PTPRD: variants seen among roughly 807,000 people sequenced by gnomAD.
The protein encoded by PTPRD is receptor-type tyrosine-protein phosphatase delta.
A neutral mutation model predicts 214.5 loss-of-function variants in PTPRD; 34 were observed. The observed-to-expected ratio is 0.16, with a 90% CI of 0.12 to 0.21. The LOEUF is 0.21. Ranked by LOEUF, PTPRD falls within the 10% of genes least tolerant of loss-of-function variation. PTPRD has a pLI of 1.00. For missense variants in PTPRD, 2,545 were observed against 2,398.7 expected (o/e 1.06, Z -1.27); for synonymous variants, 1,128 against 845.7 (o/e 1.33, Z -5.79).
At chr9:10,258,427 C>T (rs899243921) in intron 3 of PTPRD, among the ~76,000 whole-genome samples, 4 of 151,952 alleles carry the variant, frequency 2.6e-5, no homozygotes, top group African/African-American at 7.3e-5. Context: ...TTATAAGAGG[C>T]TATCTTGCCA....
At chr9:8,832,222 G>A (rs534501701) in intron 11 of PTPRD, among the ~76,000 whole-genome samples, 1 of 151,990 alleles carries the variant, frequency 6.6e-6, no homozygotes, top group East Asian at 1.9e-4. Flanking sequence ...GCCAAATGGT[G>A]TGCATTGATC....
intron 2 of PTPRD, among the ~76,000 whole-genome samples, chr9:10,341,381 T>G (rs1246282678): frequency 6.6e-6 from 1 of 151,852 alleles, no homozygotes; most frequent in Admixed American, 6.6e-5. Flanking sequence ...TAGCTGAAAA[T>G]TATAAAGTGA....
intron 11 of PTPRD, among the ~76,000 whole-genome samples, chr9:8,832,303 T>G (rs1324831143): frequency 6.6e-6 from 1 of 151,406 alleles, no homozygotes; most frequent in Non-Finnish European, 1.5e-5. Flanking sequence ...AGAAAAACAA[T>G]GAAGAAAACA....
intron 7 of PTPRD, among the ~76,000 whole-genome samples, chr9:9,639,338 C>T (rs74452823): frequency 0.018 from 2,711 of 152,230 alleles, 83 homozygotes; most frequent in African/African-American, 0.062. Flanking sequence ...ACTGAGTGAA[C>T]GGACAGATGA....
intron 2 of PTPRD, among the ~76,000 whole-genome samples, chr9:10,523,555 A>T (rs2134281124): frequency 6.9e-6 from 1 of 144,690 alleles, no homozygotes; most frequent in East Asian, 2.1e-4. Context: ...AAGAAAAAAT[A>T]TCTTTCTAAT....
intron 10 of PTPRD, among the ~76,000 whole-genome samples, chr9:9,103,857 C>G (rs1486451996): frequency 6.6e-6 from 1 of 152,020 alleles, no homozygotes; most frequent in Non-Finnish European, 1.5e-5. Context: ...TGATGTGCAC[C>G]TGTATTCCCA....
At chr9:9,665,395 GT>G (rs895739892) in intron 7 of PTPRD, among the ~76,000 whole-genome samples, 38 of 151,818 alleles carry the variant, frequency 2.5e-4, no homozygotes, top group African/African-American at 9.2e-4. Flanking sequence ...CAAAATAGAT[GT>G]TTTTTATTTA....
intron 8 of PTPRD, among the ~76,000 whole-genome samples, chr9:9,470,824 A>G (rs1306390326): frequency 1.3e-5 from 2 of 152,208 alleles, no homozygotes; most frequent in African/African-American, 4.8e-5. Flanking sequence ...GCTGTCTCAA[A>G]TGCTAACTTA....
chr9:9,718,116 T>C (rs2097864735), intron 7 of PTPRD, among the ~76,000 whole-genome samples: 1 of 152,198 alleles, frequency 6.6e-6, no homozygotes, highest in Non-Finnish European at 1.5e-5. Context: ...ATATCCTTCT[T>C]TAGTTTATCA....
chr9:8,786,213 T>C (rs959024498), intron 11 of PTPRD, among the ~76,000 whole-genome samples: 2 of 152,132 alleles, frequency 1.3e-5, no homozygotes, highest in African/African-American at 4.8e-5. Context: ...ATAATTGAAC[T>C]TGTTCCTGTG....
At chr9:9,882,182 A>G (rs1199945911) in intron 5 of PTPRD, among the ~76,000 whole-genome samples, 1 of 152,100 alleles carries the variant, frequency 6.6e-6, no homozygotes, top group Non-Finnish European at 1.5e-5. Context: ...CTCCTCCAAC[A>G]TGCCCTTCAC....
At chr9:10,245,510 T>G (rs192790598) in intron 3 of PTPRD, among the ~76,000 whole-genome samples, 3 of 152,194 alleles carry the variant, frequency 2.0e-5, no homozygotes, top group Admixed American at 6.6e-5. Flanking sequence ...ATGTGCAAGG[T>G]GGCCCCACAA....
chr9:9,179,524 T>C (rs2099926881), intron 10 of PTPRD, among the ~76,000 whole-genome samples: 2 of 152,152 alleles, frequency 1.3e-5, no homozygotes, highest in African/African-American at 4.8e-5. Context: ...ACTAGGATAT[T>C]AAGCATCAAC....
At chr9:9,617,289 C>T (rs1022646581) in intron 7 of PTPRD, among the ~76,000 whole-genome samples, 2 of 152,128 alleles carry the variant, frequency 1.3e-5, no homozygotes, top group African/African-American at 4.8e-5. Flanking sequence ...AAAACTAATT[C>T]AGGTCCTCTG....
In PTPRD at chr9:9,181,952, T is replaced by C. The variant is rs549783975; in HGVS notation, c.-143+1352A>G. Among the ~76,000 whole-genome samples, 7 of 152,178 alleles carry C rather than the reference T, an allele frequency of 4.6e-5. No homozygotes were observed. The South Asian group carries it at 1.2e-3, about 27-fold the overall frequency. On this transcript the variant is annotated intron_variant, in intron 10 of 45. Coordinates refer to ENST00000381196, the MANE Select transcript of PTPRD (RefSeq NM_002839.4). ...GTGCTTGGAAAATGGAAACTGATTC[T>C]ATACAAATTGCTGAAACATAAAGCA...
rs546337055 is a variant in PTPRD at position 9,417,019 on chromosome 9, A to G, written c.-236-19537T>C. Among the ~76,000 whole-genome samples, 7 of 152,292 alleles carry G rather than the reference A, an allele frequency of 4.6e-5. No individual in the cohort carries two copies. In the South Asian group the frequency reaches 1.4e-3, roughly 32 times the overall value. On this transcript the variant is annotated intron_variant, in intron 8 of 45. Coordinates refer to ENST00000381196, the MANE Select transcript of PTPRD (RefSeq NM_002839.4). ...GTATACCAAGTAAGATCAGTGAACAAAATAAACCAATGAACAAAAACCTGG... is the reference window on the plus strand; with the variant it reads ...GTATACCAAGTAAGATCAGTGAACAGAATAAACCAATGAACAAAAACCTGG...
At chr9:9,543,542 G>C (rs1264942901) in intron 8 of PTPRD, among the ~76,000 whole-genome samples, 1 of 151,494 alleles carries the variant, frequency 6.6e-6, no homozygotes, top group Admixed American at 6.6e-5. Flanking sequence ...GATTTACTAA[G>C]TTTTCCAAGG....
chr9:10,214,520 C>T (rs2099532298), intron 3 of PTPRD, among the ~76,000 whole-genome samples: 1 of 151,226 alleles, frequency 6.6e-6, no homozygotes, highest in African/African-American at 2.4e-5. Context: ...AGATGATCCA[C>T]CTGCCTCAGC....
intron 12 of PTPRD, among the ~76,000 whole-genome samples, chr9:8,724,842 G>C (rs2098540377): frequency 6.6e-6 from 1 of 152,138 alleles, no homozygotes; most frequent in South Asian, 2.1e-4. Flanking sequence ...TGATGCTGAA[G>C]TGGGAGGATC....
Sources: allele counts gnomAD v4.1 joint callset (sites outside exome capture counted in the v4.1 genomes callset), GRCh38; gene constraint gnomAD v4.1.1; transcripts MANE v1.5; gene names NCBI Gene and HGNC (gene_info 2026-07-23, HGNC 2026-07-21).